The following ERBB4 variants were observed in gnomAD, a reference collection of about 807,000 sequenced individuals.
The protein encoded by ERBB4 is receptor tyrosine-protein kinase erbB-4.
ERBB4 carries 42 observed loss-of-function variants against 158.0 expected under a neutral mutation model. That is an observed-to-expected ratio of 0.27 (90% CI 0.21 to 0.34). The LOEUF is 0.34. ERBB4 is among the 10% of genes least tolerant of loss of function. The pLI is 1.00. For missense variants in ERBB4, 1,333 were observed against 1,624.1 expected, an observed-to-expected ratio of 0.82 and a Z score of 3.08; for synonymous variants, 583 against 558.7, an observed-to-expected ratio of 1.04 and a Z score of -0.61.
chr2:211,627,787 G>C (rs181147978), intron 17 of ERBB4, among the ~76,000 whole-genome samples: 1 of 152,186 alleles, frequency 6.6e-6, no homozygotes, highest in South Asian at 2.1e-4. Flanking sequence ...AAGTTGAGAA[G>C]GGTCTGGTAA....
At chr2:212,399,827 C>T (rs777494844) in intron 1 of ERBB4, among the ~76,000 whole-genome samples, 3 of 151,558 alleles carry the variant, frequency 2.0e-5, no homozygotes, top group East Asian at 2.0e-4. Flanking sequence ...TGCAGTGAGC[C>T]GAGATCGTGC....
chr2:211,897,931 A>AT (rs918630545), intron 3 of ERBB4, among the ~76,000 whole-genome samples: 3 of 150,986 alleles, frequency 2.0e-5, no homozygotes, highest in African/African-American at 4.9e-5. Context: ...TAATATTTAA[A>AT]TTTTTTTTTA....
chr2:211,785,588 A>G (rs1242775948), intron 4 of ERBB4, among the ~76,000 whole-genome samples: 2 of 152,042 alleles, frequency 1.3e-5, no homozygotes, highest in African/African-American at 4.8e-5. Flanking sequence ...TTTTGAGTTA[A>G]TTTTTGAACA....
At chr2:211,898,036 T>A (rs2079144717) in intron 3 of ERBB4, among the ~76,000 whole-genome samples, 2 of 152,092 alleles carry the variant, frequency 1.3e-5, no homozygotes, top group South Asian at 4.1e-4. Context: ...AGTGCTGGGG[T>A]TACAAGTATG....
At chr2:212,025,394 C>T (rs1260977734) in intron 2 of ERBB4, among the ~76,000 whole-genome samples, 3 of 151,688 alleles carry the variant, frequency 2.0e-5, no homozygotes, top group Non-Finnish European at 4.4e-5. Flanking sequence ...AATAGTTGTA[C>T]TTTGTATGTA....
At chr2:212,112,396 T>C (rs80014518) in intron 2 of ERBB4, among the ~76,000 whole-genome samples, 3,772 of 152,238 alleles carry the variant, frequency 0.025, 159 homozygotes, top group African/African-American at 0.087. Flanking sequence ...CCAAATTTTG[T>C]GGCTCTACTG....
intron 25 of ERBB4, among the ~76,000 whole-genome samples, chr2:211,396,713 A>G (rs543579225): frequency 6.6e-6 from 1 of 152,334 alleles, no homozygotes; most frequent in Non-Finnish European, 1.5e-5. Flanking sequence ...TGTTGGCAAC[A>G]AGCAAACAAT....
At position 211,861,124 on chromosome 2, in the gene ERBB4, T is replaced by TTATATATATA. The variant is rs143515103; in HGVS notation, c.422-72975_422-72966dup. On this transcript the variant is annotated intron_variant, in intron 3 of 27. Coordinates refer to ENST00000342788, the MANE Select transcript of ERBB4 (RefSeq NM_005235.3). ...CATTATATATATTTATATATATATT[T>TTATATATATA]TATATATATATATATATATATATAT... 5.5e-3 allele frequency among the ~76,000 whole-genome samples: 111 copies of TTATATATATA among 20,252 alleles called. 2 individuals are homozygous for TTATATATATA. The highest frequency in any genetic ancestry group is 0.023 in the African/African-American group (100 of 4,388). 13.3% of individuals were successfully genotyped at this position (20,252 alleles called of 152,430 possible).
At chr2:212,222,957 C>T (rs548921247) in intron 1 of ERBB4, among the ~76,000 whole-genome samples, 48 of 151,510 alleles carry the variant, frequency 3.2e-4, no homozygotes, top group East Asian at 1.6e-3. Flanking sequence ...TTTAAAGATG[C>T]ATATGCTTTT....
intron 1 of ERBB4, among the ~76,000 whole-genome samples, chr2:212,395,181 C>T (rs538926773): frequency 1.3e-4 from 20 of 152,114 alleles, no homozygotes; most frequent in African/African-American, 4.8e-4. Flanking sequence ...TGGTCTCCTC[C>T]TTAATTGATA....
At chr2:212,526,642 T>C (rs974640358) in intron 1 of ERBB4, among the ~76,000 whole-genome samples, 7 of 152,048 alleles carry the variant, frequency 4.6e-5, no homozygotes, top group African/African-American at 1.4e-4. Flanking sequence ...TTATTGTTTC[T>C]TAAATTTGTT....
At chr2:212,241,281 A>C (rs1435470337) in intron 1 of ERBB4, among the ~76,000 whole-genome samples, 2 of 150,562 alleles carry the variant, frequency 1.3e-5, no homozygotes, top group Non-Finnish European at 2.9e-5. Flanking sequence ...AAAAAAATAA[A>C]AAAAATTTTA....
chr2:212,231,327 A>G (rs2083658906), intron 1 of ERBB4, among the ~76,000 whole-genome samples: 1 of 152,168 alleles, frequency 6.6e-6, no homozygotes, highest in African/African-American at 2.4e-5. Flanking sequence ...TTTTCACTTC[A>G]TTTTTGACAT....
intron 19 of ERBB4, among the ~76,000 whole-genome samples, chr2:211,586,219 T>C (rs1310578914): frequency 6.6e-6 from 1 of 152,110 alleles, no homozygotes; most frequent in Non-Finnish European, 1.5e-5. Context: ...ACATTACATA[T>C]CACCATAACA....
chr2:212,398,992 G>A (rs1477046034), intron 1 of ERBB4, among the ~76,000 whole-genome samples: 4 of 151,980 alleles, frequency 2.6e-5, no homozygotes, highest in Non-Finnish European at 2.9e-5. Context: ...TGCCCAGGTT[G>A]GAGTGCAGTG....
chr2:211,626,947 T>A lies in ERBB4; in HGVS notation c.2080-2903A>T, dbSNP rs866415786. On this transcript the variant is annotated intron_variant, in intron 17 of 27. Coordinates refer to ENST00000342788, the MANE Select transcript of ERBB4 (RefSeq NM_005235.3). ...CTCAAAAAATAAAAATAAAAATAAA[T>A]AAAAAAAATAAAAAAAAAAAAGTGT... 1.6e-3 allele frequency among the ~76,000 whole-genome samples: 54 copies of A among 34,270 alleles called. 1 individual carries two copies. The highest frequency in any genetic ancestry group is 2.3e-3 in the African/African-American group (30 of 13,108). The allele number at this position is 34,270 out of a possible 152,430, so 22.5% of individuals were successfully genotyped here.
intron 1 of ERBB4, among the ~76,000 whole-genome samples, chr2:212,263,976 C>T (rs1222586784): frequency 6.6e-6 from 1 of 151,902 alleles, no homozygotes; most frequent in African/African-American, 2.4e-5. Context: ...ATGGTAAGCT[C>T]CTATATTGCT....
chr2:212,352,074 C>G (rs1451762911), intron 1 of ERBB4, among the ~76,000 whole-genome samples: 1 of 151,806 alleles, frequency 6.6e-6, no homozygotes, highest in African/African-American at 2.4e-5. Context: ...GAAAAGTAAA[C>G]CAAATAGCAC....
intron 2 of ERBB4, among the ~76,000 whole-genome samples, chr2:212,053,747 G>A (rs543923616): frequency 5.9e-5 from 9 of 152,084 alleles, no homozygotes; most frequent in East Asian, 5.8e-4. Context: ...CTATCTCTCC[G>A]ATCTGTTCCT....
Sources: allele counts gnomAD v4.1 joint callset (sites outside exome capture counted in the v4.1 genomes callset), GRCh38; gene constraint gnomAD v4.1.1; transcripts MANE v1.5; gene names NCBI Gene and HGNC (gene_info 2026-07-23, HGNC 2026-07-21).